ARHGAP8: variants seen among roughly 807,000 people sequenced by gnomAD.
The protein encoded by ARHGAP8 is rho GTPase-activating protein 8.
ARHGAP8 carries 62 observed loss-of-function variants against 46.1 expected under a neutral mutation model. The observed-to-expected ratio is 1.34, with a 90% CI of 1.10 to 1.66. The LOEUF is 1.66. Among genes scored for constraint, ARHGAP8 ranks in the 40% most tolerant of loss-of-function variants. The probability of loss-of-function intolerance (pLI) is 0.00; values close to 1 mark genes in which losing one functional copy is unlikely to be tolerated. For missense variants in ARHGAP8, 923 were observed against 568.4 expected (o/e 1.62, Z -6.34); for synonymous variants, 375 against 243.1 (o/e 1.54, Z -5.05).
chr22:44,752,604 G>C lies in ARHGAP8; in HGVS notation c.-95G>C, dbSNP rs1460187907. The C allele has an allele frequency of 6.6e-6, 1 of 151,972 alleles. No homozygotes were observed. Among genetic ancestry groups the C allele is most frequent in the Non-Finnish European group, 1.5e-5 (1 of 68,088 alleles). 9.4% of individuals were successfully genotyped at this position (151,972 alleles called of 1,614,324 possible). On this transcript the variant is annotated 5_prime_UTR_variant, in exon 1 of 12. Coordinates refer to ENST00000356099, the MANE Select transcript of ARHGAP8 (RefSeq NM_181335.3). ...GAGCGGCAGACCCGGCACGCAGGTGGGGGCCGGCGGGGTCCGTGGCCAGGT... is the reference window on the plus strand; with the variant it reads ...GAGCGGCAGACCCGGCACGCAGGTGCGGGCCGGCGGGGTCCGTGGCCAGGT...
At chr22:44,768,489 A>G (rs1398213411) in intron 1 of ARHGAP8, among the ~76,000 whole-genome samples, 1 of 148,464 alleles carries the variant, frequency 6.7e-6, no homozygotes, top group Non-Finnish European at 1.5e-5. Context: ...TTTATCTTGT[A>G]GAGACAGGGG....
At chr22:44,822,019 T>C (rs1482202563) in intron 5 of ARHGAP8, among the ~76,000 whole-genome samples, 1 of 152,214 alleles carries the variant, frequency 6.6e-6, no homozygotes. Context: ...TCTGTGCCAG[T>C]GGCTTAGTGC....
intron 3 of ARHGAP8, among the ~76,000 whole-genome samples, chr22:44,807,179 G>A (rs549770231): frequency 4.7e-4 from 71 of 152,252 alleles, no homozygotes; most frequent in African/African-American, 1.7e-3. Flanking sequence ...TGTGCTCCAG[G>A]TGAGAACCTG....
chr22:44,806,681 A>G (rs1928942895), intron 3 of ARHGAP8, among the ~76,000 whole-genome samples: 1 of 152,114 alleles, frequency 6.6e-6, no homozygotes, highest in South Asian at 2.1e-4. Flanking sequence ...CAGGCCGGGC[A>G]CGGTGGCTCA....
At chr22:44,856,902 C>CGT (rs1419885389) in intron 10 of ARHGAP8, among the ~76,000 whole-genome samples, 1 of 144,062 alleles carries the variant, frequency 6.9e-6, no homozygotes, top group East Asian at 2.0e-4. Context: ...CACACAGTCG[C>CGT]GCTGCAGACA....
intron 3 of ARHGAP8, among the ~76,000 whole-genome samples, chr22:44,803,798 C>T (rs1170827766): frequency 6.8e-6 from 1 of 147,608 alleles, no homozygotes; most frequent in East Asian, 2.0e-4. Flanking sequence ...AACACACCCC[C>T]TCCTGTGCAC....
rs57241720 is a variant in ARHGAP8, at chr22:44,787,037, C to CAAAAA, written c.79+441_79+445dup. On this transcript the variant is annotated intron_variant, in intron 2 of 11. Coordinates refer to ENST00000356099, the MANE Select transcript of ARHGAP8 (RefSeq NM_181335.3). ...GTGGTGAGACCCTGTCTCAAAAAAA[C>CAAAAA]AAAAAAAAAAAAAAGAAAGAAGTAA... 3.1e-3 allele frequency among the ~76,000 whole-genome samples: 368 copies of CAAAAA among 119,130 alleles called. 5 individuals carry two copies. The highest frequency in any genetic ancestry group is 0.01 in the African/African-American group (326 of 31,908). The allele number at this position is 119,130 out of a possible 152,430, so 78.2% of individuals were successfully genotyped here.
chr22:44,828,650 A>AC (rs1930710045), intron 7 of ARHGAP8, among the ~76,000 whole-genome samples: 2 of 151,488 alleles, frequency 1.3e-5, no homozygotes, highest in Non-Finnish European at 2.9e-5. Context: ...GCAGGGTTTC[A>AC]CCATGTTGGC....
intron 5 of ARHGAP8, among the ~76,000 whole-genome samples, chr22:44,816,803 C>CAAAAA (rs1183457228): frequency 3.6e-4 from 24 of 66,220 alleles, no homozygotes; most frequent in African/African-American, 1.3e-3. Flanking sequence ...GACCCTGTCT[C>CAAAAA]AAAAAAAAAA....
chr22:44,858,352 CTTG>C (rs1200379933), intron 10 of ARHGAP8, among the ~76,000 whole-genome samples: 1 of 145,512 alleles, frequency 6.9e-6, no homozygotes, highest in African/African-American at 2.5e-5. Context: ...TTGGTGAATA[CTTG>C]TTGGTTGGTG....
intron 3 of ARHGAP8, among the ~76,000 whole-genome samples, chr22:44,803,936 T>G (rs1215582862): frequency 6.6e-6 from 1 of 151,708 alleles, no homozygotes; most frequent in Non-Finnish European, 1.5e-5. Flanking sequence ...GATTGACTCA[T>G]GGGTCCTTAG....
At chr22:44,840,841 C>T (rs1229343651) in intron 7 of ARHGAP8, among the ~76,000 whole-genome samples, 1 of 152,222 alleles carries the variant, frequency 6.6e-6, no homozygotes, top group Non-Finnish European at 1.5e-5. Flanking sequence ...GGGAAGCTCC[C>T]TGGGGTCGCT....
chr22:44,771,711 C>T (rs550671604), intron 1 of ARHGAP8, among the ~76,000 whole-genome samples: 173 of 151,490 alleles, frequency 1.1e-3, no homozygotes, highest in Non-Finnish European at 1.8e-3. Context: ...CCTGCCAACA[C>T]GCCTGGCTAA....
intron 7 of ARHGAP8, among the ~76,000 whole-genome samples, chr22:44,831,382 T>G (rs556820592): frequency 6.6e-6 from 1 of 152,322 alleles, no homozygotes; most frequent in Admixed American, 6.5e-5. Context: ...TTGCGTGTTG[T>G]TACAGCACCA....
At chr22:44,798,004 A>C (rs1928218032) in intron 2 of ARHGAP8, among the ~76,000 whole-genome samples, 1 of 139,476 alleles carries the variant, frequency 7.2e-6, no homozygotes, top group African/African-American at 2.7e-5. Flanking sequence ...TTTGAGACAA[A>C]GTCTCACTCT....
At chr22:44,808,206 G>T in intron 3 of ARHGAP8, 101 bp from the exon 4 acceptor site, 1 of 1,524,174 alleles carries the variant, frequency 6.6e-7, no homozygotes, top group Non-Finnish European at 8.8e-7. Flanking sequence ...CCCGGTGCTG[G>T]CACCTACTGG....
intron 4 of ARHGAP8, among the ~76,000 whole-genome samples, chr22:44,813,129 A>AGT (rs1929455573): frequency 6.6e-6 from 1 of 152,026 alleles, no homozygotes; most frequent in Non-Finnish European, 1.5e-5. Flanking sequence ...TGTAGTGGAG[A>AGT]ATGCTATTTA....
chr22:44,855,095 C>G (rs568151351), intron 10 of ARHGAP8, among the ~76,000 whole-genome samples: 30 of 152,258 alleles, frequency 2.0e-4, no homozygotes, highest in Non-Finnish European at 3.2e-4. Flanking sequence ...TATCTCTAAG[C>G]CAATTTGAAT....
chr22:44,830,363 G>T (rs140228780), intron 7 of ARHGAP8, among the ~76,000 whole-genome samples: 1 of 149,388 alleles, frequency 6.7e-6, no homozygotes, highest in East Asian at 2.0e-4. Context: ...ACAGAATCTC[G>T]CTCCATCACC....
Sources: gnomAD v4.1 joint callset for allele counts (sites outside exome capture counted in the v4.1 genomes callset) on GRCh38, gnomAD v4.1.1 for gene constraint, MANE v1.5 for transcripts, NCBI Gene and HGNC (gene_info 2026-07-23, HGNC 2026-07-21) for gene names.